The following CPAMD8 variants were observed in gnomAD, a reference collection of about 807,000 sequenced individuals.
CPAMD8 encodes the protein C3 and PZP like alpha-2-macroglobulin domain containing 8.
A neutral mutation model predicts 224.7 loss-of-function variants in CPAMD8; 146 were observed. The observed-to-expected ratio is 0.65, with a 90% CI of 0.57 to 0.75. The LOEUF is 0.75. CPAMD8 is among the 30% of genes least tolerant of loss of function. CPAMD8 has a pLI of 0.00. For synonymous variants in CPAMD8, 966 were observed against 1,044.6 expected (o/e 0.92, Z 1.45); for missense variants, 2,301 against 2,537.5 (o/e 0.91, Z 2.00).
In CPAMD8 at chr19:16,914,700, C is replaced by T; in HGVS notation, c.3743G>A (p.Gly1248Asp). ...GACCCTGCCCACGGCCAGGAAGGAGCCATCGGCCTGCTGCTGCTGGATGAT... is the reference window on the plus strand; with the variant it reads ...GACCCTGCCCACGGCCAGGAAGGAGTCATCGGCCTGCTGCTGCTGGATGAT... ...SWIIQQQQAD[G>D]SFLAVGRVLN... Residue 1248 changes from glycine to aspartate, a missense_variant, in exon 28 of 42, where the codon GGC becomes GAC. Gly to Asp is a moderately conservative substitution (Grantham distance 94). Transcript: ENST00000443236. 1 of 1,614,134 alleles carries T rather than the reference C, an allele frequency of 6.2e-7. No individual in the cohort carries two copies. Among genetic ancestry groups the T allele is most frequent in the Non-Finnish European group, 8.5e-7 (1 of 1,179,984 alleles).
rs550527174 is a variant in CPAMD8 at position 16,992,074 on chromosome 19, G to A, written c.1266+1342C>T. Among the ~76,000 whole-genome samples, 36 of 151,964 alleles carry A rather than the reference G, an allele frequency of 2.4e-4. No individual in the cohort carries two copies. The South Asian group carries it at 7.5e-3, about 32-fold the overall frequency. ...CATCTACGTATTTACTCTCTGCAGG[G>A]CCGCCAGGTCCACTGCCAGTTCCCA... is the stretch of plus-strand genomic sequence containing the variant. On this transcript the variant is annotated intron_variant, in intron 12 of 41. Transcript: ENST00000443236.
At chr19:16,979,705 G>A (rs1319844523) in intron 14 of CPAMD8, among the ~76,000 whole-genome samples, 1 of 152,152 alleles carries the variant, frequency 6.6e-6, no homozygotes, top group Non-Finnish European at 1.5e-5. Context: ...CTATGGGGTG[G>A]AGGCCAGGGA....
At chr19:16,947,488 A>G (rs2054144940) in intron 20 of CPAMD8, among the ~76,000 whole-genome samples, 1 of 152,130 alleles carries the variant, frequency 6.6e-6, no homozygotes, top group African/African-American at 2.4e-5. Flanking sequence ...GTATCCTCAC[A>G]GGTCCAGATC....
At chr19:16,906,386 CTTTCTT>C (rs1216807341) in intron 30 of CPAMD8, among the ~76,000 whole-genome samples, 1 of 75,480 alleles carries the variant, frequency 1.3e-5, no homozygotes, top group Non-Finnish European at 3.0e-5. Context: ...TTCTTTCTTT[CTTTCTT>C]TCTTTCTTTC....
chr19:16,949,384 G>T (rs1453974188), intron 20 of CPAMD8, among the ~76,000 whole-genome samples: 10 of 152,138 alleles, frequency 6.6e-5, no homozygotes, highest in Admixed American at 6.5e-4. Context: ...GGCATAGTCT[G>T]TGTGTATGCT....
chr19:16,947,157 T>C lies in CPAMD8; in HGVS notation c.2579A>G (p.Lys860Arg), dbSNP rs1251599336. 6.2e-7 allele frequency: 1 copy of C among 1,613,778 alleles called. No homozygotes were observed. Among genetic ancestry groups the C allele is most frequent in the Admixed American group, 1.7e-5 (1 of 59,980 alleles). ...CTCCCCGGGGGCCACACACATCTTC[T>C]TGGTCACATGGCGTTTGCCAGGATG... is the stretch of plus-strand genomic sequence containing the variant. The part of the protein sequence containing the change: ...VGHPGKRHVT[K>R]KMCVAPGEAE... The change falls in exon 21 of 42, where the codon AAG becomes AGG. Residue 860 changes from lysine (K) to arginine (R), a missense_variant. Physicochemically the swap from Lys to Arg is conservative, Grantham distance 26. This residue lies in a region of CPAMD8 where 1,709 missense variants were observed against 1,753.2 expected (regional missense o/e 0.97). Transcript: ENST00000443236.
At chr19:16,924,416 T>C (rs1410482186) in intron 26 of CPAMD8, among the ~76,000 whole-genome samples, 1 of 152,140 alleles carries the variant, frequency 6.6e-6, no homozygotes, top group Admixed American at 6.6e-5. Context: ...TGAGCCTGGA[T>C]GGATCCACCA....
intron 1 of CPAMD8, 98 bp downstream of exon 1, chr19:17,026,453 G>C: frequency 7.9e-7 from 1 of 1,260,866 alleles, no homozygotes; most frequent in East Asian, 3.2e-5. Context: ...CGCGGAGGCT[G>C]TGTGGCCTTG....
At chr19:16,972,584 G>A (rs990169783) in intron 17 of CPAMD8, among the ~76,000 whole-genome samples, 5 of 151,866 alleles carry the variant, frequency 3.3e-5, no homozygotes, top group African/African-American at 9.7e-5. Flanking sequence ...ACTGGCGCCC[G>A]CCACCACGCC....
At chr19:16,953,825 T>C (rs1015665253) in intron 19 of CPAMD8, among the ~76,000 whole-genome samples, 13 of 152,126 alleles carry the variant, frequency 8.5e-5, no homozygotes, top group Non-Finnish European at 1.6e-4. Flanking sequence ...ATTACTTGAA[T>C]AGACATTTCA....
chr19:16,989,576 AG>A (rs2055864552), intron 13 of CPAMD8, 66 bp downstream of exon 13: 1 of 1,556,358 alleles, frequency 6.4e-7, no homozygotes, highest in Non-Finnish European at 8.7e-7. Context: ...CATGAGCCAC[AG>A]CACCTGGCTC....
chr19:16,931,337 C>T (rs778744976), intron 23 of CPAMD8, among the ~76,000 whole-genome samples: 14 of 152,190 alleles, frequency 9.2e-5, no homozygotes, highest in Non-Finnish European at 1.0e-4. Flanking sequence ...GGCACCTGAG[C>T]GCTCCTCCTA....
chr19:16,921,970 C>G lies in CPAMD8; in HGVS notation c.3564G>C (p.Leu1188=), dbSNP rs1210741614. The G allele has an allele frequency of 1.9e-6, 3 of 1,548,074 alleles. No individual in the cohort carries two copies. The highest frequency in any genetic ancestry group is 2.6e-6 in the Non-Finnish European group (3 of 1,146,684). The part of the protein sequence containing the change: ...DYLVQGYQRQ[L]TYKRQDGSYS... Reference sequence around the variant, plus strand: ...AGGAGCCATCCTGGCGCTTGTAGGTCAGCTGGCGCTGGTAGCCTGTGGGGC... The same window carrying G: ...AGGAGCCATCCTGGCGCTTGTAGGTGAGCTGGCGCTGGTAGCCTGTGGGGC... The change falls in exon 27 of 42, where the codon CTG becomes CTC. Residue 1188 remains leucine (L), a synonymous_variant. Coordinates refer to ENST00000443236, the MANE Select transcript of CPAMD8 (RefSeq NM_015692.5).
chr19:16,970,739 C>A, intron 18 of CPAMD8, 152 bp downstream of exon 18: 1 of 745,588 alleles, frequency 1.3e-6, no homozygotes, highest in South Asian at 1.7e-5. Context: ...CTTGGACTTC[C>A]AAGCCCCAAG....
chr19:17,002,785 T>C (rs1373466025), intron 8 of CPAMD8, among the ~76,000 whole-genome samples: 2 of 152,136 alleles, frequency 1.3e-5, no homozygotes, highest in Non-Finnish European at 2.9e-5. Flanking sequence ...TATCAAGCCA[T>C]CTTGTCACCA....
At chr19:16,895,972 G>A in intron 41 of CPAMD8, 1 of 701,542 alleles carries the variant, frequency 1.4e-6, no homozygotes, top group Non-Finnish European at 2.6e-6. Flanking sequence ...TGGGTGTTGC[G>A]TGGGCCAGGG....
chr19:16,927,970 C>A lies in CPAMD8; in HGVS notation c.3370+39G>T, dbSNP rs372592951. 1.8e-5 allele frequency: 27 copies of A among 1,472,508 alleles called. No homozygotes were observed. In the African/African-American group the frequency reaches 3.6e-4, roughly 20 times the overall value. The allele number at this position is 1,472,508 out of a possible 1,614,324, so 91.2% of individuals were successfully genotyped here. On this transcript the variant is annotated intron_variant, in intron 25 of 41. Coordinates refer to ENST00000443236, the MANE Select transcript of CPAMD8 (RefSeq NM_015692.5). ...CTGGAGTCTCAACTTCGGCTCTTGC[C>A]CCCTGACCTCTCCAAGCCAGGCTGT...
chr19:17,022,092 G>A lies in CPAMD8; in HGVS notation c.182C>T (p.Thr61Met), dbSNP rs186779378. 2.8e-3 allele frequency: 4,420 copies of A among 1,605,336 alleles called. 15 individuals are homozygous for A. Among genetic ancestry groups the A allele is most frequent in the Non-Finnish European group, 2.6e-3 (3,002 of 1,175,904 alleles). ...VTIFNSPREV[T>M]VQAQLVAQGE... The stretch of plus-strand genomic sequence containing the variant: ...CTGGGCCACCAGCTGAGCCTGGACC[G>A]TGACTTCCCTTGGAGAGTTAAAGAT... The change falls in exon 2 of 42, where the codon ACG becomes ATG. Residue 61 changes from threonine to methionine, a missense_variant. By Grantham distance (81) the Thr-to-Met change is moderately conservative. This residue lies in a region of CPAMD8 where 283 missense variants were observed against 340.6 expected (regional missense o/e 0.83). Transcript: ENST00000443236.
intron 19 of CPAMD8, among the ~76,000 whole-genome samples, chr19:16,953,962 G>T (rs538592705): frequency 2.1e-4 from 32 of 151,918 alleles, no homozygotes; most frequent in African/African-American, 7.7e-4. Flanking sequence ...TATTAAAAAA[G>T]AAAAGGCAAG....
Sources: allele counts gnomAD v4.1 joint callset (sites outside exome capture counted in the v4.1 genomes callset), GRCh38; gene constraint gnomAD v4.1.1; regional missense constraint gnomAD v4.1.1; transcripts MANE v1.5; gene names NCBI Gene and HGNC (gene_info 2026-07-23, HGNC 2026-07-21).